The following GRIN2A variants were observed in gnomAD, a reference collection of about 807,000 sequenced individuals.
GRIN2A encodes glutamate receptor ionotropic, NMDA 2A.
Under a neutral mutation model 113.4 loss-of-function variants are expected in GRIN2A, and 22 were observed. That is an observed-to-expected ratio of 0.19 (90% CI 0.14 to 0.28). The LOEUF (loss-of-function observed/expected upper bound fraction) is 0.28, where lower values mean the gene tolerates loss of function less well. Ranked by LOEUF, GRIN2A falls within the 10% of genes least tolerant of loss-of-function variation. GRIN2A has a pLI of 1.00. For missense variants in GRIN2A, 1,502 were observed against 1,887.0 expected, an observed-to-expected ratio of 0.80 and a Z score of 3.78; for synonymous variants, 827 against 738.4, an observed-to-expected ratio of 1.12 and a Z score of -1.94.
chr16:9,797,927 G>A (rs1391691307), intron 11 of GRIN2A, among the ~76,000 whole-genome samples: 2 of 152,106 alleles, frequency 1.3e-5, no homozygotes, highest in African/African-American at 2.4e-5. Context: ...GGACAAAATT[G>A]CCCTTCACCC....
At chr16:10,156,854 C>A (rs2049708671) in intron 2 of GRIN2A, among the ~76,000 whole-genome samples, 1 of 152,046 alleles carries the variant, frequency 6.6e-6, no homozygotes, top group Non-Finnish European at 1.5e-5. Context: ...CTGTGCTTTC[C>A]AAAAGTAAAG....
intron 11 of GRIN2A, among the ~76,000 whole-genome samples, chr16:9,798,057 CT>C (rs758105818): frequency 1.2e-3 from 182 of 152,322 alleles, no homozygotes; most frequent in Non-Finnish European, 2.4e-3. Flanking sequence ...CTGAGAGAGA[CT>C]GTATCCTTAG....
intron 2 of GRIN2A, among the ~76,000 whole-genome samples, chr16:10,102,528 T>C (rs997170422): frequency 5.9e-5 from 9 of 152,126 alleles, no homozygotes; most frequent in African/African-American, 1.4e-4. Context: ...ATTTCTTTCT[T>C]CTTTTTTTCT....
At chr16:9,964,872 A>T (rs2045520255) in intron 2 of GRIN2A, among the ~76,000 whole-genome samples, 1 of 152,214 alleles carries the variant, frequency 6.6e-6, no homozygotes, top group South Asian at 2.1e-4. Context: ...CAGCATGGAC[A>T]TCTTAGGGAA....
intron 4 of GRIN2A, among the ~76,000 whole-genome samples, chr16:9,877,770 T>C: frequency 7.5e-6 from 1 of 133,018 alleles, no homozygotes; most frequent in African/African-American, 2.9e-5. Context: ...TCTCCTCTTT[T>C]CTCCCCCTCC....
chr16:9,920,581 T>C (rs75612855), intron 3 of GRIN2A, among the ~76,000 whole-genome samples: 2 of 151,782 alleles, frequency 1.3e-5, no homozygotes, highest in South Asian at 4.2e-4. Context: ...TTTTTTTTTT[T>C]CAGATGGAGT....
chr16:9,835,283 T>C (rs565649843), intron 7 of GRIN2A, among the ~76,000 whole-genome samples: 1 of 152,324 alleles, frequency 6.6e-6, no homozygotes, highest in East Asian at 1.9e-4. Context: ...AGTAGATGGA[T>C]AGATGGTTAT....
rs996159646 is a variant in GRIN2A, at chr16:10,036,736, G to A, written c.415-98185C>T. Among the ~76,000 whole-genome samples, 8 of 151,802 alleles carry A rather than the reference G, an allele frequency of 5.3e-5. No individual in the cohort carries two copies. The East Asian group carries it at 1.6e-3, about 29-fold the overall frequency. The stretch of plus-strand genomic sequence containing the variant: ...GCTGGGACTACAGGCGTGAGCCACC[G>A]TGCCTGGCCAGTATTATTTTTTTTA... On this transcript the variant is annotated intron_variant, in intron 2 of 12. Coordinates refer to ENST00000330684, the MANE Select transcript of GRIN2A (RefSeq NM_001134407.3).
At chr16:9,828,960 GATAATTTT>G (rs1483500432) in intron 9 of GRIN2A, among the ~76,000 whole-genome samples, 4 of 152,214 alleles carry the variant, frequency 2.6e-5, no homozygotes, top group Non-Finnish European at 4.4e-5. Flanking sequence ...GGAGCTGTCA[GATAATTTT>G]GTCTCTGGGT....
At chr16:9,808,386 C>T (rs2042021495) in intron 10 of GRIN2A, among the ~76,000 whole-genome samples, 2 of 152,148 alleles carry the variant, frequency 1.3e-5, no homozygotes, top group South Asian at 2.1e-4. Context: ...CCCCATCATA[C>T]TGTTAGTAGT....
At chr16:9,886,828 G>A (rs1342719658) in intron 4 of GRIN2A, among the ~76,000 whole-genome samples, 1 of 152,170 alleles carries the variant, frequency 6.6e-6, no homozygotes, top group African/African-American at 2.4e-5. Context: ...GGTTAAATAT[G>A]AAAGCTCAGT....
chr16:9,838,236 G>GGA (rs1260310130), intron 7 of GRIN2A, among the ~76,000 whole-genome samples: 1 of 152,102 alleles, frequency 6.6e-6, no homozygotes, highest in Non-Finnish European at 1.5e-5. Flanking sequence ...TTCCCAGGGG[G>GGA]GAGATTTCTC....
chr16:10,030,911 G>A (rs1296270660), intron 2 of GRIN2A, among the ~76,000 whole-genome samples: 1 of 152,160 alleles, frequency 6.6e-6, no homozygotes, highest in Non-Finnish European at 1.5e-5. Flanking sequence ...ATTATTTGTT[G>A]CCCTAAAAAA....
chr16:10,022,464 G>T (rs1160130188), intron 2 of GRIN2A, among the ~76,000 whole-genome samples: 2 of 152,168 alleles, frequency 1.3e-5, no homozygotes, highest in African/African-American at 4.8e-5. Context: ...CACCTGTGGA[G>T]GTTTAGCCTC....
At chr16:9,780,174 T>C (rs1473548044) in intron 11 of GRIN2A, among the ~76,000 whole-genome samples, 3 of 152,152 alleles carry the variant, frequency 2.0e-5, no homozygotes, top group East Asian at 3.9e-4. Context: ...GGAATGTAAA[T>C]TGGTTTACAT....
chr16:9,926,970 C>G (rs533852310), intron 3 of GRIN2A, among the ~76,000 whole-genome samples: 1 of 151,898 alleles, frequency 6.6e-6, no homozygotes, highest in South Asian at 2.1e-4. Context: ...AATTTGCAGC[C>G]TCTGAAAGTC....
chr16:9,873,030 G>A (rs1210628563), intron 4 of GRIN2A, among the ~76,000 whole-genome samples: 1 of 152,064 alleles, frequency 6.6e-6, no homozygotes, highest in Non-Finnish European at 1.5e-5. Flanking sequence ...GGGCAACAAA[G>A]CAAGACCCTG....
At chr16:9,888,425 T>A (rs2043628441) in intron 4 of GRIN2A, among the ~76,000 whole-genome samples, 1 of 152,140 alleles carries the variant, frequency 6.6e-6, no homozygotes, top group Non-Finnish European at 1.5e-5. Context: ...AAGCCTGTAA[T>A]CTATTTCAGG....
intron 11 of GRIN2A, among the ~76,000 whole-genome samples, chr16:9,796,772 C>T (rs1277191882): frequency 6.6e-6 from 1 of 152,212 alleles, no homozygotes; most frequent in African/African-American, 2.4e-5. Context: ...ATCCCCACCC[C>T]AGGCAGAGCT....
Sources: gnomAD v4.1 joint callset for allele counts (sites outside exome capture counted in the v4.1 genomes callset) on GRCh38, gnomAD v4.1.1 for gene constraint, MANE v1.5 for transcripts, NCBI Gene and HGNC (gene_info 2026-07-23, HGNC 2026-07-21) for gene names.